The following DNAH14 variants were observed in gnomAD, a reference collection of about 807,000 sequenced individuals.
DNAH14 encodes the protein dynein axonemal heavy chain 14, also known as axonemal beta dynein heavy chain 14.
Under a neutral mutation model 520.9 loss-of-function variants are expected in DNAH14, and 478 were observed. The ratio of observed to expected loss-of-function variants is 0.92; its 90% CI spans 0.85 to 0.99. The LOEUF (loss-of-function observed/expected upper bound fraction) is 0.99, where lower values mean the gene tolerates loss of function less well. DNAH14 is among the 50% of genes least tolerant of loss of function. The pLI, the probability that DNAH14 is intolerant of heterozygous loss-of-function variation, is 0.00. For missense variants in DNAH14, 4,831 were observed against 5,234.5 expected, an observed-to-expected ratio of 0.92 and a Z score of 2.38; for synonymous variants, 1,581 against 1,757.2, an observed-to-expected ratio of 0.90 and a Z score of 2.51.
At chr1:225,363,385 T>C (rs1197726282) in intron 75 of DNAH14, among the ~76,000 whole-genome samples, 3 of 152,226 alleles carry the variant, frequency 2.0e-5, no homozygotes, top group Non-Finnish European at 4.4e-5. Context: ...AGTCTCCTGA[T>C]AAGTATTTTA....
chr1:224,988,732 A>G (rs1424547412), intron 8 of DNAH14, among the ~76,000 whole-genome samples: 1 of 152,182 alleles, frequency 6.6e-6, no homozygotes, highest in Admixed American at 6.5e-5. Context: ...TGCAGCCTCA[A>G]GCTCCTGTAT....
chr1:224,982,155 A>G (rs1188451247), intron 8 of DNAH14, among the ~76,000 whole-genome samples: 2 of 152,164 alleles, frequency 1.3e-5, no homozygotes. Flanking sequence ...AGCTTTAATC[A>G]TTCCTAGAAC....
At chr1:225,017,843 C>G (rs941484728) in intron 10 of DNAH14, among the ~76,000 whole-genome samples, 2 of 152,190 alleles carry the variant, frequency 1.3e-5, no homozygotes, top group African/African-American at 4.8e-5. Flanking sequence ...GAAACAAAGC[C>G]TTTCAACTTT....
chr1:225,359,715 A>G (rs1341631259), intron 74 of DNAH14, among the ~76,000 whole-genome samples: 1 of 152,230 alleles, frequency 6.6e-6, no homozygotes, highest in African/African-American at 2.4e-5. Context: ...GACTTAGCCC[A>G]TGATGGTGGC....
intron 54 of DNAH14, among the ~76,000 whole-genome samples, chr1:225,288,838 CTG>C (rs1360319457): frequency 6.6e-6 from 1 of 152,074 alleles, no homozygotes; most frequent in Non-Finnish European, 1.5e-5. Context: ...TGTGTATAAA[CTG>C]AACTTTCATA....
chr1:225,050,670 T>C (rs990567814), intron 16 of DNAH14, among the ~76,000 whole-genome samples: 8 of 152,156 alleles, frequency 5.3e-5, no homozygotes, highest in African/African-American at 1.7e-4. Flanking sequence ...ATCAACTGGG[T>C]ATTTTTGTCC....
Position 225,303,309 on chromosome 1 carries a change from T to C in DNAH14, c.8785T>C (p.Ser2929Pro). 1.3e-6 allele frequency: 2 copies of C among 1,549,426 alleles called. No homozygotes were observed. The highest frequency in any genetic ancestry group is 1.2e-5 in the South Asian group (1 of 83,378). The part of the protein sequence containing the change: ...PEEALLIVAN[S>P]FLKEKVNFEN... ...AGAAGCTCTCCTTATTGTAGCTAACTCATTCTTAAAAGAAAAGGTCAATTT... is the reference window on the plus strand; with the variant it reads ...AGAAGCTCTCCTTATTGTAGCTAACCCATTCTTAAAAGAAAAGGTCAATTT... Residue 2929 changes from serine (S) to proline (P), a missense_variant, in exon 57 of 86, where the codon TCA (serine) becomes CCA (proline). Ser to Pro is a moderately conservative substitution (Grantham distance 74). Coordinates refer to ENST00000682510, the MANE Select transcript of DNAH14 (RefSeq NM_001367479.1).
intron 43 of DNAH14, among the ~76,000 whole-genome samples, chr1:225,250,344 T>G (rs917641133): frequency 1.3e-5 from 2 of 152,244 alleles, no homozygotes; most frequent in African/African-American, 4.8e-5. Context: ...ACTAATGATG[T>G]ATAATAAGGG....
At chr1:225,084,288 G>C (rs2073484660) in intron 20 of DNAH14, among the ~76,000 whole-genome samples, 1 of 152,042 alleles carries the variant, frequency 6.6e-6, no homozygotes, top group Non-Finnish European at 1.5e-5. Context: ...AGAGTTCCTG[G>C]ATGATTTTGG....
chr1:225,199,134 G>C (rs2086506011), intron 38 of DNAH14, among the ~76,000 whole-genome samples: 1 of 152,164 alleles, frequency 6.6e-6, no homozygotes, highest in African/African-American at 2.4e-5. Flanking sequence ...GCACATAAAA[G>C]TGTTCACAGT....
chr1:225,133,424 C>A (rs540235644), intron 27 of DNAH14, among the ~76,000 whole-genome samples: 80 of 152,220 alleles, frequency 5.3e-4, no homozygotes, highest in African/African-American at 1.8e-3. Context: ...GGAAGGGTTC[C>A]ACTTTCACTT....
intron 41 of DNAH14, among the ~76,000 whole-genome samples, chr1:225,230,406 C>T (rs1277366651): frequency 6.6e-6 from 1 of 152,050 alleles, no homozygotes. Context: ...CAAAGAAATG[C>T]ATCAACATAT....
chr1:225,195,376 C>T (rs2085993493), intron 38 of DNAH14, among the ~76,000 whole-genome samples: 1 of 151,838 alleles, frequency 6.6e-6, no homozygotes. Context: ...GAGCCGGAGG[C>T]CATTATCCTA....
chr1:225,187,713 C>A lies in DNAH14; in HGVS notation c.5670+2288C>A, dbSNP rs561565655. On this transcript the variant is annotated intron_variant, in intron 37 of 85. Transcript: ENST00000682510. ...TCATTGTAGTTTTGGTGTTGAATAC[C>A]TTTTCATATGCTTATTGGCCATTTG... 5.9e-5 allele frequency among the ~76,000 whole-genome samples: 9 copies of A among 151,862 alleles called. No homozygotes were observed. The South Asian group carries it at 1.9e-3, about 31-fold the overall frequency.
chr1:225,185,349 G>T lies in DNAH14; in HGVS notation c.5594G>T (p.Arg1865Ile). The change falls in exon 37 of 86, where the codon AGA becomes ATA. Residue 1865 changes from arginine (R) to isoleucine (I), a missense_variant. Physicochemically the swap from Arg to Ile is moderately conservative, Grantham distance 97. Coordinates refer to ENST00000682510, the MANE Select transcript of DNAH14 (RefSeq NM_001367479.1). ...GGTGGAGGAAAGACAACAGTCAGAA[G>T]AATTTTGGAAAAAGCATTAACGCTA... The part of the protein sequence containing the change: ...PTGGGKTTVR[R>I]ILEKALTLLP... 1 of 1,547,844 alleles carries T rather than the reference G, an allele frequency of 6.5e-7. No individual in the cohort carries two copies. Among genetic ancestry groups the T allele is most frequent in the Non-Finnish European group, 8.7e-7 (1 of 1,145,540 alleles).
chr1:225,118,073 ATATAT>A lies in DNAH14; in HGVS notation c.4091+79_4091+83del, dbSNP rs2077001396. 10 of 1,175,106 alleles carry A rather than the reference ATATAT, an allele frequency of 8.5e-6. No individual in the cohort carries two copies. In the East Asian group the frequency reaches 2.0e-4, roughly 24 times the overall value. 72.8% of individuals were successfully genotyped at this position (1,175,106 alleles called of 1,614,324 possible). A position where few individuals can be genotyped will look rare whatever the true frequency, so the allele number is the denominator to read the frequency against. ...TAAAATCTCTGCTTTGAAATTTTTG[ATATAT>A]TATAAAAGTGCGCTAAGCAAACTGT... On this transcript the variant is annotated intron_variant, in intron 25 of 85. Coordinates refer to ENST00000682510, the MANE Select transcript of DNAH14 (RefSeq NM_001367479.1).
intron 28 of DNAH14, among the ~76,000 whole-genome samples, chr1:225,142,481 G>C (rs578065113): frequency 2.0e-5 from 3 of 152,260 alleles, no homozygotes; most frequent in African/African-American, 7.2e-5. Context: ...TCTTATCCTT[G>C]CAAAGCTAGG....
intron 21 of DNAH14, among the ~76,000 whole-genome samples, chr1:225,092,415 C>T (rs984815973): frequency 6.6e-6 from 1 of 152,052 alleles, no homozygotes; most frequent in African/African-American, 2.4e-5. Context: ...ATTGAATAAC[C>T]TGATCCTGAA....
chr1:225,096,929 A>G (rs917200453), intron 21 of DNAH14, among the ~76,000 whole-genome samples, 189 bp from the exon 22 acceptor site: 1 of 152,188 alleles, frequency 6.6e-6, no homozygotes, highest in Admixed American at 6.5e-5. Flanking sequence ...AAAATGGATG[A>G]ACAGGACATC....
Sources: allele counts gnomAD v4.1 joint callset (sites outside exome capture counted in the v4.1 genomes callset), GRCh38; gene constraint gnomAD v4.1.1; transcripts MANE v1.5; gene names NCBI Gene and HGNC (gene_info 2026-07-23, HGNC 2026-07-21).